The following RGS22 variants were observed in gnomAD, a reference collection of about 807,000 sequenced individuals.
RGS22 encodes regulator of G protein signaling 22.
A neutral mutation model predicts 172.9 loss-of-function variants in RGS22; 148 were observed. That is an observed-to-expected ratio of 0.86 (90% CI 0.75 to 0.98). RGS22 has a LOEUF of 0.98. Among genes scored for constraint, RGS22 ranks in the 50% least tolerant of loss-of-function variants. The pLI, the probability that RGS22 is intolerant of heterozygous loss-of-function variation, is 0.00. For synonymous variants in RGS22, 458 were observed against 480.2 expected (o/e 0.95, Z 0.60); for missense variants, 1,347 against 1,440.8 (o/e 0.93, Z 1.05).
At chr8:100,088,397 C>T (rs1261875550) in intron 3 of RGS22, among the ~76,000 whole-genome samples, 1 of 151,994 alleles carries the variant, frequency 6.6e-6, no homozygotes, top group South Asian at 2.1e-4. Flanking sequence ...TCTACTCAAT[C>T]CCACAACAGT....
chr8:99,976,973 T>C (rs1435882059), intron 23 of RGS22, among the ~76,000 whole-genome samples: 2 of 152,022 alleles, frequency 1.3e-5, no homozygotes, highest in African/African-American at 4.8e-5. Flanking sequence ...AATTACCCCT[T>C]CTTAATTAAA....
intron 15 of RGS22, among the ~76,000 whole-genome samples, chr8:100,007,614 T>C (rs1477880055): frequency 1.3e-5 from 2 of 152,156 alleles, no homozygotes; most frequent in Non-Finnish European, 2.9e-5. Context: ...TGAAATAGGC[T>C]TTTCTGTTAA....
intron 10 of RGS22, among the ~76,000 whole-genome samples, chr8:100,051,773 A>ATT (rs1821521438): frequency 1.2e-5 from 1 of 84,318 alleles, no homozygotes; most frequent in African/African-American, 4.7e-5. Context: ...ATAAATGTTT[A>ATT]TATATATTTA....
Position 100,002,446 on chromosome 8 carries a change from A to G in RGS22, c.2628-82T>C, listed in dbSNP as rs540510330. The G allele has an allele frequency of 1.7e-5, 24 of 1,381,916 alleles. No individual in the cohort carries two copies. The Admixed American group carries it at 2.3e-4, about 13-fold the overall frequency. The allele number at this position is 1,381,916 out of a possible 1,614,324, so 85.6% of individuals were successfully genotyped here. ...GTAAACACCCGATTGTTGTTTTGAC[A>G]GAACTTAGAAAGTGGCTATCTTGAC... On this transcript the variant is annotated intron_variant, in intron 17 of 27. Transcript: ENST00000360863.
chr8:99,979,608 T>C (rs1274436595), intron 22 of RGS22, among the ~76,000 whole-genome samples: 7 of 152,150 alleles, frequency 4.6e-5, no homozygotes, highest in South Asian at 2.1e-4. Context: ...GAGTGAGGGA[T>C]AGACAGAGGC....
At position 99,987,558 on chromosome 8, in the gene RGS22, AATAATGCTTTGCGAAAAGCAAT is replaced by A; in HGVS notation, c.3058_3079del (p.Ile1020Ter). 1 of 1,611,428 alleles carries A rather than the reference AATAATGCTTTGCGAAAAGCAAT, an allele frequency of 6.2e-7. No homozygotes were observed. The highest frequency in any genetic ancestry group is 8.5e-7 in the Non-Finnish European group (1 of 1,178,696). ...AAATTGTCTTGAAGTAACTGGATTCAATAATGCTTTGCGAAAAGCAATGATTTTACAAGATGAAGAGATCCAC... is the reference window on the plus strand; with the variant it reads ...AAATTGTCTTGAAGTAACTGGATTCAGATTTTACAAGATGAAGAGATCCAC... On this transcript the variant is annotated frameshift_variant, in exon 21 of 28. Transcript: ENST00000360863. LOFTEE classifies it high-confidence loss of function.
At chr8:100,101,851 T>C (rs1015644106) in intron 2 of RGS22, among the ~76,000 whole-genome samples, 1 of 150,856 alleles carries the variant, frequency 6.6e-6, no homozygotes, top group Non-Finnish European at 1.5e-5. Context: ...AAAGCTAGTA[T>C]GAACACAGGA....
rs149808962 is a variant in RGS22 at position 100,016,973 on chromosome 8, C to T, written c.2167-8404G>A. On this transcript the variant is annotated intron_variant, in intron 14 of 27. Transcript: ENST00000360863. ...CTCTCCCTACATCCCTGATTCCTTA[C>T]CAGTCTTTTTTTTTTTTTTTTTTTT... Among the ~76,000 whole-genome samples, 244 of 123,466 alleles carry T rather than the reference C, an allele frequency of 2.0e-3. 1 individual carries two copies. Among genetic ancestry groups the T allele is most frequent in the African/African-American group, 7.0e-3 (232 of 33,190 alleles). The allele number at this position is 123,466 out of a possible 152,430, so 81.0% of individuals were successfully genotyped here.
chr8:100,067,621 A>ATTTT (rs5893506), intron 6 of RGS22, among the ~76,000 whole-genome samples: 2 of 124,494 alleles, frequency 1.6e-5, no homozygotes, highest in African/African-American at 3.3e-5. Flanking sequence ...CACTTTATAC[A>ATTTT]TTTTTTTTTT....
intron 14 of RGS22, chr8:100,023,895 G>C (rs1387025576): frequency 6.6e-6 from 1 of 152,538 alleles, no homozygotes; most frequent in East Asian, 1.9e-4. Flanking sequence ...AGGTTCCTTG[G>C]GTGAAGTGGG....
rs56195621 is a variant in RGS22, at chr8:100,010,157, C to T, written c.2167-1588G>A. On this transcript the variant is annotated intron_variant, in intron 14 of 27. Coordinates refer to ENST00000360863, the MANE Select transcript of RGS22 (RefSeq NM_015668.5). ...CATCTTGGATGTCTACACTACCCCACATACCTTGTCTGCTTGATAAACTAA... is the reference window on the plus strand; with the variant it reads ...CATCTTGGATGTCTACACTACCCCATATACCTTGTCTGCTTGATAAACTAA... Among the ~76,000 whole-genome samples, 1,371 of 152,146 alleles carry T rather than the reference C, an allele frequency of 9.0e-3. 24 individuals are homozygous for T. The highest frequency in any genetic ancestry group is 0.031 in the African/African-American group (1,305 of 41,506).
At chr8:100,019,839 C>A (rs138419532) in intron 14 of RGS22, among the ~76,000 whole-genome samples, 251 of 151,672 alleles carry the variant, frequency 1.7e-3, no homozygotes, top group African/African-American at 5.8e-3. Flanking sequence ...AAGATGCTCA[C>A]CAAGACAGTA....
intron 14 of RGS22, among the ~76,000 whole-genome samples, chr8:100,015,950 C>A (rs1816902533): frequency 6.6e-6 from 1 of 152,184 alleles, no homozygotes; most frequent in Non-Finnish European, 1.5e-5. Context: ...TGTGTCCCTA[C>A]TCTGGTCTAA....
intron 14 of RGS22, among the ~76,000 whole-genome samples, chr8:100,037,461 C>T (rs1819627247): frequency 6.6e-6 from 1 of 152,112 alleles, no homozygotes. Context: ...TTTAACTATC[C>T]AAAAGAGAAC....
intron 23 of RGS22, among the ~76,000 whole-genome samples, chr8:99,967,432 C>T (rs1043251606): frequency 1.3e-5 from 2 of 151,976 alleles, no homozygotes; most frequent in Admixed American, 6.6e-5. Context: ...CAAGTGGTCT[C>T]GCTCAGTGGG....
intron 11 of RGS22, among the ~76,000 whole-genome samples, chr8:100,044,394 G>A (rs775601348): frequency 6.6e-6 from 1 of 152,144 alleles, no homozygotes; most frequent in African/African-American, 2.4e-5. Flanking sequence ...TTACAGGCGT[G>A]AGCCATCATG....
At chr8:99,995,350 T>G (rs1386770462) in intron 20 of RGS22, among the ~76,000 whole-genome samples, 1 of 151,700 alleles carries the variant, frequency 6.6e-6, no homozygotes, top group Admixed American at 6.6e-5. Context: ...TGGGAGAAAA[T>G]TTTTGCAATC....
At chr8:100,093,247 A>T (rs576724963) in intron 3 of RGS22, 200 bp downstream of exon 3, 12 of 475,106 alleles carry the variant, frequency 2.5e-5, no homozygotes, top group Non-Finnish European at 4.6e-5. Context: ...AAAACTCCAG[A>T]TTTCTTCAAT....
rs142341290 is a variant in RGS22, at chr8:100,083,995, G to A, written c.118-3640C>T. On this transcript the variant is annotated intron_variant, in intron 3 of 27. Coordinates refer to ENST00000360863, the MANE Select transcript of RGS22 (RefSeq NM_015668.5). ...CTCCCAAGTAGCTGGGCGCCACGAC[G>A]CCCAACTAATTTTTCTATTTTTTAG... Among the ~76,000 whole-genome samples the A allele has an allele frequency of 2.2e-3, 338 of 151,336 alleles. 2 individuals are homozygous for A. The highest frequency in any genetic ancestry group is 7.9e-3 in the African/African-American group (324 of 41,244).
Sources: allele counts gnomAD v4.1 joint callset (sites outside exome capture counted in the v4.1 genomes callset), GRCh38; gene constraint gnomAD v4.1.1; transcripts MANE v1.5; gene names NCBI Gene and HGNC (gene_info 2026-07-23, HGNC 2026-07-21).